IVD: variants seen among roughly 807,000 people sequenced by gnomAD.
IVD encodes isovaleryl-CoA dehydrogenase, mitochondrial.
IVD carries 31 observed loss-of-function variants against 51.3 expected under a neutral mutation model. The observed-to-expected ratio is 0.60, with a 90% CI of 0.45 to 0.81. The LOEUF is 0.81. IVD is among the 40% of genes least tolerant of loss of function. The pLI, the probability that IVD is intolerant of heterozygous loss-of-function variation, is 0.00. For synonymous variants in IVD, 205 were observed against 219.4 expected (o/e 0.93, Z 0.58); for missense variants, 475 against 552.0 (o/e 0.86, Z 1.40).
chr15:40,411,960 G>A (rs1891134424), intron 6 of IVD, among the ~76,000 whole-genome samples: 1 of 152,206 alleles, frequency 6.6e-6, no homozygotes, highest in Admixed American at 6.5e-5. Context: ...AAGGAGGTCA[G>A]GACATGACGG....
intron 11 of IVD, 34 bp downstream of exon 11, chr15:40,416,396 CCTCA>C: frequency 6.3e-7 from 1 of 1,597,684 alleles, no homozygotes; most frequent in South Asian, 1.1e-5. Flanking sequence ...CCCGGGGCTC[CCTCA>C]CTCCTGGGGC....
chr15:40,434,853 G>A (rs1213755197), intron 8 of IVD, among the ~76,000 whole-genome samples: 1 of 152,200 alleles, frequency 6.6e-6, no homozygotes, highest in Non-Finnish European at 1.5e-5. Context: ...GCTATAGCAT[G>A]AGGCTTCACT....
chr15:40,426,207 G>A (rs118147518), downstream of IVD, among the ~76,000 whole-genome samples: 533 of 152,040 alleles, frequency 3.5e-3, 1 homozygote, highest in Non-Finnish European at 4.3e-3. Context: ...TTCTACTGTC[G>A]ATGGACATTT....
rs1256859729 is a variant in IVD, at chr15:40,415,487, G to T, written c.960+5G>T. 6.2e-7 allele frequency: 1 copy of T among 1,613,396 alleles called. No individual in the cohort carries two copies. The highest frequency in any genetic ancestry group is 8.5e-7 in the Non-Finnish European group (1 of 1,179,568). The stretch of plus-strand genomic sequence containing the variant: ...CAGAAGATCGGCCACTTCCAGGTGA[G>T]CCGAGTGCTTTTGCTGACATGTACT... On this transcript the variant is annotated splice_donor_5th_base_variant and intron_variant, in intron 9 of 11. Transcript: ENST00000487418.
chr15:40,407,840 C>A, intron 2 of IVD, 99 bp from the exon 3 acceptor site: 1 of 1,450,566 alleles, frequency 6.9e-7, no homozygotes, highest in Non-Finnish European at 9.7e-7. Context: ...AAGAATGCAG[C>A]CCCTCTCTCT....
At position 40,418,582 on chromosome 15, in the gene IVD, C is replaced by A; in HGVS notation, c.*319C>A. The A allele has an allele frequency of 1.1e-6, 1 of 924,992 alleles. No individual in the cohort carries two copies. The highest frequency in any genetic ancestry group is 2.0e-5 in the South Asian group (1 of 50,054). The allele number at this position is 924,992 out of a possible 1,614,324, so 57.3% of individuals were successfully genotyped here. Reference sequence around the variant, plus strand: ...TTCTGAGCCCACCTCCCAGGGTAGGCACCTGGGGGCATGCAGGTGCCCACC... The same window carrying A: ...TTCTGAGCCCACCTCCCAGGGTAGGAACCTGGGGGCATGCAGGTGCCCACC... On this transcript the variant is annotated 3_prime_UTR_variant, in exon 12 of 12. Coordinates refer to ENST00000487418, the MANE Select transcript of IVD (RefSeq NM_002225.5).
chr15:40,413,337 C>A (rs1891288104), intron 7 of IVD, among the ~76,000 whole-genome samples: 1 of 152,252 alleles, frequency 6.6e-6, no homozygotes, highest in South Asian at 2.1e-4. Context: ...GGAGAAGGGT[C>A]AGACCTACCC....
At chr15:40,433,680 C>T (rs985329500) in intron 7 of IVD, among the ~76,000 whole-genome samples, 1 of 152,216 alleles carries the variant, frequency 6.6e-6, no homozygotes, top group African/African-American at 2.4e-5. Flanking sequence ...TGGAATAATT[C>T]TCCCCTCTCT....
intron 10 of IVD, 22 bp downstream of exon 10, chr15:40,416,204 G>A: frequency 6.2e-7 from 1 of 1,613,162 alleles, no homozygotes. Context: ...CCTCAGTCGG[G>A]GAGAGGCGGG....
chr15:40,417,487 C>A (rs2412523), intron 11 of IVD, among the ~76,000 whole-genome samples: 2 of 147,290 alleles, frequency 1.4e-5, no homozygotes, highest in East Asian at 2.0e-4. Flanking sequence ...CAGCCTAGGC[C>A]ACAGAGCATG....
intron 2 of IVD, 41 bp downstream of exon 2, chr15:40,407,766 T>C: frequency 6.4e-7 from 1 of 1,560,572 alleles, no homozygotes; most frequent in Non-Finnish European, 8.8e-7. Context: ...AGTCAGGGAG[T>C]GGGGCTGAGC....
At chr15:40,406,431 C>A in intron 1 of IVD, 1 of 938,796 alleles carries the variant, frequency 1.1e-6, no homozygotes, top group East Asian at 6.1e-5. Flanking sequence ...TTTAAAAAGC[C>A]ACAGTGAGCT....
In IVD at chr15:40,418,382, C is replaced by T. The variant is rs577706202; in HGVS notation, c.*119C>T. The T allele has an allele frequency of 1.2e-5, 19 of 1,586,944 alleles. No individual in the cohort carries two copies. The highest frequency in any genetic ancestry group is 1.5e-5 in the Non-Finnish European group (18 of 1,172,160). On this transcript the variant is annotated 3_prime_UTR_variant, in exon 12 of 12. Transcript: ENST00000487418. Reference sequence around the variant, plus strand: ...TCCTGCCCAGCTGCTCTTGTCAGCCCTCTGGCCTCTGGATGAGGTTGAGTT... The same window carrying T: ...TCCTGCCCAGCTGCTCTTGTCAGCCTTCTGGCCTCTGGATGAGGTTGAGTT...
chr15:40,406,236 G>C, intron 1 of IVD: 1 of 1,490,976 alleles, frequency 6.7e-7, no homozygotes, highest in Non-Finnish European at 8.9e-7. Context: ...TCGAGGCTGG[G>C]AGAGCTCCTG....
rs1891990634 is a variant in IVD at position 40,418,770 on chromosome 15, C to T, written c.*507C>T. The T allele has an allele frequency of 9.1e-7, 1 of 1,094,644 alleles. No individual in the cohort carries two copies. 67.8% of individuals were successfully genotyped at this position (1,094,644 alleles called of 1,614,324 possible). On this transcript the variant is annotated 3_prime_UTR_variant, in exon 12 of 12. Coordinates refer to ENST00000487418, the MANE Select transcript of IVD (RefSeq NM_002225.5). ...ATCCCTAATCCTGAAATCTGAAACA[C>T]TTGTGGTTCCAAGCATTTTGGATAA... is the stretch of plus-strand genomic sequence containing the variant.
rs1251699788 is a variant in IVD at position 40,420,901 on chromosome 15, A to T, written c.*2638A>T. 4.3e-5 allele frequency: 42 copies of T among 985,494 alleles called. No individual in the cohort carries two copies. Among genetic ancestry groups the T allele is most frequent in the Non-Finnish European group, 5.1e-5 (42 of 830,072 alleles). The allele number at this position is 985,494 out of a possible 1,614,324, so 61.0% of individuals were successfully genotyped here. A position where few individuals can be genotyped will look rare whatever the true frequency, so the allele number is the denominator to read the frequency against. On this transcript the variant is annotated 3_prime_UTR_variant, in exon 12 of 12. Transcript: ENST00000487418. ...TGTTCCACCCCTTCCGAGTTCCAAA[A>T]AGAGGGAACTGGTTTTCTTGGTTCT...
In IVD at chr15:40,420,143, G is replaced by C; in HGVS notation, c.*1880G>C. On this transcript the variant is annotated 3_prime_UTR_variant, in exon 12 of 12. Coordinates refer to ENST00000487418, the MANE Select transcript of IVD (RefSeq NM_002225.5). The stretch of plus-strand genomic sequence containing the variant: ...AATAAATGAACACACATGCTGCTGA[G>C]TCCGCAGGGGGGGCAGAGCAGAGGA... The C allele has an allele frequency of 1.1e-6, 1 of 948,228 alleles. No individual in the cohort carries two copies. The highest frequency in any genetic ancestry group is 1.8e-5 in the African/African-American group (1 of 54,926). The allele number at this position is 948,228 out of a possible 1,614,324, so 58.7% of individuals were successfully genotyped here. A position where few individuals can be genotyped will look rare whatever the true frequency, so the allele number is the denominator to read the frequency against.
chr15:40,410,533 T>G (rs1890949787), intron 3 of IVD, 95 bp from the exon 4 acceptor site: 1 of 1,399,230 alleles, frequency 7.1e-7, no homozygotes, highest in South Asian at 1.2e-5. Flanking sequence ...TGCTACAAGG[T>G]GCTTCCCTTC....
At chr15:40,426,149 T>C (rs969262115), downstream of IVD, among the ~76,000 whole-genome samples, 3 of 152,166 alleles carry the variant, frequency 2.0e-5, no homozygotes, top group Non-Finnish European at 2.9e-5. Context: ...CAATTTTTTT[T>C]CTTGTGTAGT....
Sources: allele counts gnomAD v4.1 joint callset (sites outside exome capture counted in the v4.1 genomes callset), GRCh38; gene constraint gnomAD v4.1.1; transcripts MANE v1.5; gene names NCBI Gene and HGNC (gene_info 2026-07-23, HGNC 2026-07-21).